The following BCR variants were observed in gnomAD, a reference collection of about 807,000 sequenced individuals.
The protein encoded by BCR is BCR activator of RhoGEF and GTPase.
BCR carries 58 observed loss-of-function variants against 138.6 expected under a neutral mutation model. The observed-to-expected ratio is 0.42, with a 90% CI of 0.34 to 0.52. The LOEUF is 0.52. Ranked by LOEUF, BCR falls within the 20% of genes least tolerant of loss-of-function variation. The probability of loss-of-function intolerance (pLI) is 0.06; values close to 1 mark genes in which losing one functional copy is unlikely to be tolerated. For missense variants in BCR, 1,599 were observed against 1,727.2 expected, an observed-to-expected ratio of 0.93 and a Z score of 1.32; for synonymous variants, 786 against 730.1, an observed-to-expected ratio of 1.08 and a Z score of -1.23.
chr22:23,255,893 G>A (rs192336579), intron 2 of BCR, among the ~76,000 whole-genome samples: 74 of 152,312 alleles, frequency 4.9e-4, no homozygotes, highest in Admixed American at 1.7e-3. Flanking sequence ...TCCCAAGCAC[G>A]CCCCTTGGCC....
chr22:23,267,183 G>A (rs1386262384), intron 4 of BCR, among the ~76,000 whole-genome samples: 1 of 152,124 alleles, frequency 6.6e-6, no homozygotes, highest in African/African-American at 2.4e-5. Context: ...GCCCTTGGCT[G>A]CTTTGTACCA....
At chr22:23,298,940 C>T (rs1454232295) in intron 16 of BCR, among the ~76,000 whole-genome samples, 1 of 152,106 alleles carries the variant, frequency 6.6e-6, no homozygotes, top group African/African-American at 2.4e-5. Context: ...TCAAAACAAA[C>T]ATCACTCATT....
At position 23,190,935 on chromosome 22, in the gene BCR, AC is replaced by A. The variant is rs1245808962; in HGVS notation, c.1279+8698del. 2.6e-5 allele frequency among the ~76,000 whole-genome samples: 4 copies of A among 151,742 alleles called. No individual in the cohort carries two copies. In the East Asian group the frequency reaches 7.7e-4, roughly 29 times the overall value. On this transcript the variant is annotated intron_variant, in intron 1 of 22. Transcript: ENST00000305877. ...TTTTTCTTTAAATTTAAAATTTATT[AC>A]CTTTTTTTTTAATAGATAAAGGGTC...
At chr22:23,212,987 A>G (rs2072704256) in intron 1 of BCR, among the ~76,000 whole-genome samples, 1 of 152,214 alleles carries the variant, frequency 6.6e-6, no homozygotes, top group African/African-American at 2.4e-5. Context: ...CAAAAAGGAC[A>G]AGGACTGGCA....
At chr22:23,190,544 A>G (rs1569238212) in intron 1 of BCR, among the ~76,000 whole-genome samples, 1 of 152,238 alleles carries the variant, frequency 6.6e-6, no homozygotes, top group African/African-American at 2.4e-5. Context: ...TAACTTAATC[A>G]GTTCTTGAAA....
intron 13 of BCR, 97 bp from the exon 14 acceptor site, chr22:23,290,242 G>A (rs1248327924): frequency 8.1e-7 from 1 of 1,233,992 alleles, no homozygotes; most frequent in Non-Finnish European, 1.2e-6. Flanking sequence ...CAGCCACACA[G>A]TGTCCACCGG....
chr22:23,313,327 G>A (rs1389212080), intron 20 of BCR, among the ~76,000 whole-genome samples: 1 of 152,218 alleles, frequency 6.6e-6, no homozygotes, highest in Non-Finnish European at 1.5e-5. Flanking sequence ...CTGAAGGAGG[G>A]TGCCTGGGTG....
At position 23,181,399 on chromosome 22, in the gene BCR, C is replaced by T. The variant is rs780645381; in HGVS notation, c.439C>T (p.Pro147Ser). 5.1e-6 allele frequency: 8 copies of T among 1,560,314 alleles called. No homozygotes were observed. The Admixed American group carries it at 5.5e-5, about 11-fold the overall frequency. Residue 147 changes from proline (P) to serine (S), a missense_variant, in exon 1 of 23, where the codon CCC (proline) becomes TCC (serine). By Grantham distance (74) the Pro-to-Ser change is moderately conservative. Around this residue, in one of 4 missense-constraint regions of BCR, gnomAD observed 806 missense variants for 635.0 expected, o/e 1.27. Transcript: ENST00000305877. ...GTCGGGGGAACGGGACGACCGGGGA[C>T]CCCCCGCCAGCGTGGCGGCGCTCAG... The part of the protein sequence containing the change: ...AASGERDDRG[P>S]PASVAALRSN...
chr22:23,285,236 T>C (rs1431756076), intron 10 of BCR, 35 bp downstream of exon 10: 1 of 1,581,654 alleles, frequency 6.3e-7, no homozygotes, highest in African/African-American at 1.3e-5. Context: ...GGGTTTGGTG[T>C]GGTCAGAGTG....
At chr22:23,263,021 G>A in intron 4 of BCR, 1 of 789,526 alleles carries the variant, frequency 1.3e-6, no homozygotes, top group Non-Finnish European at 1.8e-6. Context: ...AAGGAAGAAA[G>A]TATGGGAAGG....
chr22:23,223,857 T>A (rs553909850), intron 1 of BCR, among the ~76,000 whole-genome samples: 7 of 152,284 alleles, frequency 4.6e-5, no homozygotes, highest in African/African-American at 1.7e-4. Context: ...TTTGCTGACC[T>A]TTTCCTTCCT....
At chr22:23,251,972 A>G (rs2073233057) in intron 1 of BCR, among the ~76,000 whole-genome samples, 1 of 152,170 alleles carries the variant, frequency 6.6e-6, no homozygotes, top group Admixed American at 6.5e-5. Context: ...AGGCCTTGGA[A>G]ACACGTGTTG....
Position 23,277,098 on chromosome 22 carries a change from C to T in BCR, c.2115+3324C>T, listed in dbSNP as rs573610359. Among the ~76,000 whole-genome samples, 46 of 152,374 alleles carry T rather than the reference C, an allele frequency of 3.0e-4. 1 individual carries two copies. The South Asian group carries it at 6.2e-3, about 21-fold the overall frequency. On this transcript the variant is annotated intron_variant, in intron 8 of 22. Transcript: ENST00000305877. Reference sequence around the variant, plus strand: ...GGGCAGAAGCTCCAGGCTACTTCCTCTTAGAATTTGCAGCCAGGGGCAGGG... The same window carrying T: ...GGGCAGAAGCTCCAGGCTACTTCCTTTTAGAATTTGCAGCCAGGGGCAGGG...
intron 8 of BCR, among the ~76,000 whole-genome samples, chr22:23,283,011 A>G (rs1048652713): frequency 5.9e-5 from 9 of 152,212 alleles, no homozygotes; most frequent in African/African-American, 2.2e-4. Context: ...TGTTGTGGGG[A>G]TTGGGTCAAA....
In BCR at chr22:23,187,470, C is replaced by T. The variant is rs115463528; in HGVS notation, c.1279+5231C>T. 5.2e-3 allele frequency among the ~76,000 whole-genome samples: 772 copies of T among 147,932 alleles called. 6 individuals are homozygous for T. Among genetic ancestry groups the T allele is most frequent in the African/African-American group, 0.018 (734 of 39,734 alleles). On this transcript the variant is annotated intron_variant, in intron 1 of 22. Transcript: ENST00000305877. ...GCTCGATATCAGTTGGGACAGCAGA[C>T]GTTTCTCCTTCTCTTTCTCTCTCTC... is the stretch of plus-strand genomic sequence containing the variant.
chr22:23,215,975 G>A (rs1602023742), intron 1 of BCR, among the ~76,000 whole-genome samples: 1 of 152,316 alleles, frequency 6.6e-6, no homozygotes, highest in African/African-American at 2.4e-5. Context: ...ATTTTGCCAT[G>A]TTTAGGAAAT....
intron 1 of BCR, chr22:23,198,135 A>G (rs1024061143): frequency 6.5e-6 from 2 of 308,580 alleles, no homozygotes; most frequent in South Asian, 2.8e-5. Context: ...GTTATGGGAT[A>G]AAGGACAGAA....
rs549535838 is a variant in BCR, at chr22:23,180,795, C to T, written c.-166C>T. 7.9e-3 allele frequency: 1,832 copies of T among 232,470 alleles called. 32 individuals are homozygous for T. Among genetic ancestry groups the T allele is most frequent in the African/African-American group, 0.04 (1,701 of 42,212 alleles). 14.4% of individuals were successfully genotyped at this position (232,470 alleles called of 1,614,324 possible). On this transcript the variant is annotated 5_prime_UTR_variant, in exon 1 of 23. Coordinates refer to ENST00000305877, the MANE Select transcript of BCR (RefSeq NM_004327.4). ...CGCCCCGCGCGCCGAGCGCCCCGCT[C>T]CGCCTCACCTGCCACCAGGGAGTGG...
intron 8 of BCR, among the ~76,000 whole-genome samples, chr22:23,281,345 A>G (rs531877332): frequency 7.2e-5 from 11 of 152,334 alleles, no homozygotes; most frequent in African/African-American, 2.6e-4. Flanking sequence ...TTTGGGATGC[A>G]GTCAGGATTG....
Sources: allele counts gnomAD v4.1 joint callset (sites outside exome capture counted in the v4.1 genomes callset), GRCh38; gene constraint gnomAD v4.1.1; regional missense constraint gnomAD v4.1.1; transcripts MANE v1.5; gene names NCBI Gene and HGNC (gene_info 2026-07-23, HGNC 2026-07-21).